Variants in ERC2 observed in about 807,000 individuals in gnomAD.
The protein encoded by ERC2 is ELKS/RAB6-interacting/CAST family member 2, also known as ERC protein 2.
ERC2 carries 42 observed loss-of-function variants against 114.8 expected under a neutral mutation model. The observed-to-expected ratio is 0.37, with a 90% CI of 0.29 to 0.47. ERC2 has a LOEUF of 0.47. Ranked by LOEUF, ERC2 falls within the 20% of genes least tolerant of loss-of-function variation. The pLI, the probability that ERC2 is intolerant of heterozygous loss-of-function variation, is 0.99. For synonymous variants in ERC2, 454 were observed against 425.5 expected (o/e 1.07, Z -0.82); for missense variants, 939 against 1,150.7 (o/e 0.82, Z 2.66).
intron 13 of ERC2, among the ~76,000 whole-genome samples, chr3:55,906,001 T>G (rs2064412357): frequency 6.6e-6 from 1 of 152,188 alleles, no homozygotes; most frequent in Admixed American, 6.5e-5. Context: ...AAGAATTTCC[T>G]TCTATGTACC....
intron 17 of ERC2, among the ~76,000 whole-genome samples, chr3:55,611,573 G>C (rs1161230311): frequency 6.6e-6 from 1 of 152,142 alleles, no homozygotes; most frequent in Non-Finnish European, 1.5e-5. Flanking sequence ...AGGCCTATTA[G>C]GGGAGTTCAG....
chr3:56,097,031 G>A (rs776223750), intron 6 of ERC2, among the ~76,000 whole-genome samples: 3 of 152,104 alleles, frequency 2.0e-5, no homozygotes, highest in Non-Finnish European at 4.4e-5. Context: ...TTGAATTTAG[G>A]AACATACTTT....
intron 3 of ERC2, among the ~76,000 whole-genome samples, chr3:56,198,563 T>A (rs1414497503): frequency 6.6e-6 from 1 of 152,068 alleles, no homozygotes; most frequent in African/African-American, 2.4e-5. Flanking sequence ...GGTGACTGAT[T>A]TGGAGATAGG....
intron 2 of ERC2, among the ~76,000 whole-genome samples, chr3:56,409,974 C>T (rs925075603): frequency 9.9e-5 from 15 of 152,178 alleles, no homozygotes; most frequent in African/African-American, 3.6e-4. Flanking sequence ...GTTGGCTTAC[C>T]CATAGTCATA....
At chr3:55,919,134 T>G (rs772670510) in intron 13 of ERC2, among the ~76,000 whole-genome samples, 1 of 152,196 alleles carries the variant, frequency 6.6e-6, no homozygotes, top group Admixed American at 6.5e-5. Context: ...ATCCTAACAC[T>G]TTGGGTGGCC....
chr3:56,320,115 G>A lies in ERC2; in HGVS notation c.658-23680C>T, dbSNP rs149916095. Reference sequence around the variant, plus strand: ...TCCTCCAAGGGAATACAACGGGGAGGCTTTTATAGGATAAACACAGAAGTA... The same window carrying A: ...TCCTCCAAGGGAATACAACGGGGAGACTTTTATAGGATAAACACAGAAGTA... On this transcript the variant is annotated intron_variant, in intron 2 of 17. Transcript: ENST00000288221. Among the ~76,000 whole-genome samples, 29 of 152,258 alleles carry A rather than the reference G, an allele frequency of 1.9e-4. No homozygotes were observed. The East Asian group carries it at 5.4e-3, about 28-fold the overall frequency.
At chr3:56,332,179 AACACATACATGCAC>A in intron 2 of ERC2, among the ~76,000 whole-genome samples, 1 of 152,024 alleles carries the variant, frequency 6.6e-6, no homozygotes, top group East Asian at 1.9e-4. Context: ...AGAGATTTCA[AACACATACATGCAC>A]ACACATATGC....
At chr3:56,317,270 C>T (rs181841585) in intron 2 of ERC2, among the ~76,000 whole-genome samples, 10 of 152,138 alleles carry the variant, frequency 6.6e-5, no homozygotes, top group Admixed American at 3.9e-4. Context: ...GTGAAGGGCA[C>T]GGGCAAAGGC....
intron 2 of ERC2, among the ~76,000 whole-genome samples, chr3:56,347,471 C>A (rs933123692): frequency 6.6e-6 from 1 of 151,908 alleles, no homozygotes; most frequent in Non-Finnish European, 1.5e-5. Context: ...TGGCTTCCTG[C>A]CCCTGTGAGC....
intron 17 of ERC2, among the ~76,000 whole-genome samples, chr3:55,518,386 G>A (rs1245845479): frequency 6.6e-6 from 1 of 152,180 alleles, no homozygotes; most frequent in Non-Finnish European, 1.5e-5. Context: ...AAGTCCTGTG[G>A]AAATAGGTAG....
chr3:56,452,668 T>C (rs1341941145), intron 1 of ERC2, among the ~76,000 whole-genome samples: 1 of 152,194 alleles, frequency 6.6e-6, no homozygotes, highest in Non-Finnish European at 1.5e-5. Context: ...CTGAGAAACC[T>C]TGGTTAAGTG....
chr3:55,545,459 G>T (rs1232178103), intron 17 of ERC2, among the ~76,000 whole-genome samples: 1 of 152,212 alleles, frequency 6.6e-6, no homozygotes, highest in Non-Finnish European at 1.5e-5. Context: ...GTCGGATCAC[G>T]TGGGAATGCA....
chr3:56,182,968 A>C (rs964658943), intron 3 of ERC2, among the ~76,000 whole-genome samples: 1 of 152,216 alleles, frequency 6.6e-6, no homozygotes, highest in Non-Finnish European at 1.5e-5. Context: ...GCAAAAAAAA[A>C]CCACAATTAC....
intron 6 of ERC2, among the ~76,000 whole-genome samples, chr3:56,130,263 G>T (rs2080124126): frequency 6.6e-6 from 1 of 152,058 alleles, no homozygotes; most frequent in Admixed American, 6.6e-5. Context: ...ACTCATTTGT[G>T]GTGGGGGGAC....
chr3:55,634,757 A>C (rs1398885044), intron 17 of ERC2, among the ~76,000 whole-genome samples: 1 of 152,246 alleles, frequency 6.6e-6, no homozygotes, highest in African/African-American at 2.4e-5. Flanking sequence ...ATGAGCATTA[A>C]AAGGATAACG....
At chr3:55,945,389 A>C (rs2067062378) in intron 13 of ERC2, among the ~76,000 whole-genome samples, 1 of 152,234 alleles carries the variant, frequency 6.6e-6, no homozygotes, top group African/African-American at 2.4e-5. Flanking sequence ...TTTTAAGCTC[A>C]GGGAATTGAA....
chr3:56,142,764 G>A (rs566301642), intron 5 of ERC2, among the ~76,000 whole-genome samples: 113 of 150,352 alleles, frequency 7.5e-4, no homozygotes, highest in Admixed American at 1.3e-3. Context: ...TCTTTCTACT[G>A]GCTGTCATTT....
intron 3 of ERC2, among the ~76,000 whole-genome samples, chr3:56,245,562 G>A (rs1368074761): frequency 4.0e-5 from 6 of 151,580 alleles, no homozygotes; most frequent in Admixed American, 2.6e-4. Context: ...TTAGTCATAT[G>A]ATTATTATTT....
At chr3:55,872,922 CAG>C (rs376780289) in intron 14 of ERC2, among the ~76,000 whole-genome samples, 257 of 152,302 alleles carry the variant, frequency 1.7e-3, no homozygotes, top group African/African-American at 5.9e-3. Flanking sequence ...TGTTCTCAAA[CAG>C]GGGTGATTTT....
Sources: gnomAD v4.1 joint callset for allele counts (sites outside exome capture counted in the v4.1 genomes callset) on GRCh38, gnomAD v4.1.1 for gene constraint, MANE v1.5 for transcripts, NCBI Gene and HGNC (gene_info 2026-07-23, HGNC 2026-07-21) for gene names.